Variants in SPHKAP observed in about 807,000 individuals in gnomAD.
The protein encoded by SPHKAP is A-kinase anchor protein SPHKAP.
A neutral mutation model predicts 137.5 loss-of-function variants in SPHKAP; 67 were observed. That is an observed-to-expected ratio of 0.49 (90% CI 0.40 to 0.60). The LOEUF (loss-of-function observed/expected upper bound fraction) is 0.60, where lower values mean the gene tolerates loss of function less well. Among genes scored for constraint, SPHKAP ranks in the 20% least tolerant of loss-of-function variants. SPHKAP has a pLI of 0.00. For synonymous variants in SPHKAP, 813 were observed against 785.3 expected (o/e 1.04, Z -0.59); for missense variants, 2,097 against 2,069.3 (o/e 1.01, Z -0.26).
chr2:228,170,554 A>T (rs1700553268), intron 1 of SPHKAP, among the ~76,000 whole-genome samples: 1 of 152,136 alleles, frequency 6.6e-6, no homozygotes. Flanking sequence ...GCAGCCATCA[A>T]CGTCAAGGCA....
intron 1 of SPHKAP, among the ~76,000 whole-genome samples, chr2:228,154,481 A>ACTCTCTCT (rs371642332): frequency 0.012 from 570 of 47,158 alleles, 22 homozygotes; most frequent in Middle Eastern, 0.016. Context: ...TTGTAAATAA[A>ACTCTCTCT]CTCTCTCTCT....
chr2:228,150,755 T>C (rs1443691738), intron 1 of SPHKAP, among the ~76,000 whole-genome samples: 1 of 151,822 alleles, frequency 6.6e-6, no homozygotes, highest in Non-Finnish European at 1.5e-5. Context: ...CCATAGTCTA[T>C]GTTTCTTTTT....
At chr2:228,034,643 C>A (rs1695506605) in intron 3 of SPHKAP, among the ~76,000 whole-genome samples, 1 of 152,154 alleles carries the variant, frequency 6.6e-6, no homozygotes, top group South Asian at 2.1e-4. Context: ...AAAATATTGG[C>A]AAACCGAATC....
chr2:227,985,367 A>G (rs1432610777), intron 11 of SPHKAP, among the ~76,000 whole-genome samples: 1 of 152,206 alleles, frequency 6.6e-6, no homozygotes, highest in Admixed American at 6.5e-5. Context: ...CTTCCATTAA[A>G]AAAAGGTAAG....
intron 3 of SPHKAP, among the ~76,000 whole-genome samples, chr2:228,039,311 T>C (rs2106255357): frequency 6.6e-6 from 1 of 152,340 alleles, no homozygotes. Flanking sequence ...TATTATGGTT[T>C]TTAAACAAAA....
intron 3 of SPHKAP, among the ~76,000 whole-genome samples, chr2:228,037,664 C>T (rs1229944461): frequency 6.6e-6 from 1 of 152,136 alleles, no homozygotes; most frequent in Non-Finnish European, 1.5e-5. Context: ...TCCAATGACT[C>T]TCAGTTTGCG....
chr2:227,982,264 G>T (rs1693028961), intron 11 of SPHKAP: 1 of 985,122 alleles, frequency 1.0e-6, no homozygotes, highest in South Asian at 4.7e-5. Flanking sequence ...ATCTCATTGG[G>T]TGTGTAAATT....
chr2:228,143,674 T>G (rs1215897194), intron 1 of SPHKAP, among the ~76,000 whole-genome samples: 1 of 146,600 alleles, frequency 6.8e-6, no homozygotes, highest in Non-Finnish European at 1.5e-5. Context: ...CTTTTTTTTT[T>G]TTTTTTTTTT....
At chr2:228,029,077 G>A (rs1185407814) in intron 3 of SPHKAP, among the ~76,000 whole-genome samples, 2 of 152,212 alleles carry the variant, frequency 1.3e-5, no homozygotes, top group East Asian at 1.9e-4. Context: ...GAATCTGACT[G>A]CAGGCAGGCC....
chr2:227,985,961 C>T (rs560407111), intron 11 of SPHKAP, among the ~76,000 whole-genome samples: 1 of 152,320 alleles, frequency 6.6e-6, no homozygotes, highest in East Asian at 1.9e-4. Context: ...AGCTATCAGT[C>T]TGAGCCTTGG....
intron 1 of SPHKAP, among the ~76,000 whole-genome samples, chr2:228,146,484 T>C (rs1488266702): frequency 1.3e-5 from 2 of 152,230 alleles, no homozygotes; most frequent in African/African-American, 4.8e-5. Context: ...TAAACTCGTG[T>C]CACGGTAGTT....
At position 228,017,093 on chromosome 2, in the gene SPHKAP, G is replaced by T; in HGVS notation, c.3761C>A (p.Pro1254His). Residue 1254 changes from proline to histidine, a missense_variant, in exon 7 of 12, where the codon CCC (proline) becomes CAC (histidine). Physicochemically the swap from Pro to His is moderately conservative, Grantham distance 77 (BLOSUM62 -2). Transcript: ENST00000392056. ...GCCATCTAAAGAGTTGGCTTTGATG[G>T]GCACATTCACTGTCAGCCTGGAGCA... ...SPCSRLTVNV[P>H]IKANSLDGFA... 6.2e-7 allele frequency: 1 copy of T among 1,614,102 alleles called. No individual in the cohort carries two copies. The highest frequency in any genetic ancestry group is 8.5e-7 in the Non-Finnish European group (1 of 1,180,022).
chr2:228,109,379 C>T (rs966477591), intron 2 of SPHKAP: 2 of 984,770 alleles, frequency 2.0e-6, no homozygotes, highest in South Asian at 9.4e-5. Context: ...TTTGGTTCTG[C>T]TAACTTAGCT....
At chr2:228,130,797 T>C in intron 2 of SPHKAP, among the ~76,000 whole-genome samples, 1 of 152,126 alleles carries the variant, frequency 6.6e-6, no homozygotes. Flanking sequence ...AGCGCCTTAG[T>C]TCCCTGCATT....
rs1299097062 is a variant in SPHKAP at position 227,980,358 on chromosome 2, G to C, written c.*1359C>G. 3 of 152,176 alleles carry C rather than the reference G, an allele frequency of 2.0e-5. No individual in the cohort carries two copies. The highest frequency in any genetic ancestry group is 7.2e-5 in the African/African-American group (3 of 41,452). 9.4% of individuals were successfully genotyped at this position (152,176 alleles called of 1,614,324 possible). ...TCAAAATGTGGATGATAGAGAAGGTGAGGCCAGCATTCATGGTATGGGAAC... is the reference window on the plus strand; with the variant it reads ...TCAAAATGTGGATGATAGAGAAGGTCAGGCCAGCATTCATGGTATGGGAAC... On this transcript the variant is annotated 3_prime_UTR_variant, in exon 12 of 12. Coordinates refer to ENST00000392056, the MANE Select transcript of SPHKAP (RefSeq NM_001142644.2).
At chr2:228,004,532 A>G (rs891742053) in intron 7 of SPHKAP, among the ~76,000 whole-genome samples, 3 of 152,194 alleles carry the variant, frequency 2.0e-5, no homozygotes, top group African/African-American at 7.2e-5. Flanking sequence ...GATTTTATGA[A>G]GGGTTTTTTG....
intron 1 of SPHKAP, among the ~76,000 whole-genome samples, chr2:228,176,499 G>A (rs1294145546): frequency 6.6e-6 from 1 of 152,188 alleles, no homozygotes; most frequent in Non-Finnish European, 1.5e-5. Flanking sequence ...CCAGGAGGAG[G>A]CAGAGAAGCA....
At chr2:228,034,614 T>C (rs1342645579) in intron 3 of SPHKAP, among the ~76,000 whole-genome samples, 3 of 152,122 alleles carry the variant, frequency 2.0e-5, no homozygotes, top group African/African-American at 4.8e-5. Flanking sequence ...TGATGAACAT[T>C]GATGCAAAAA....
rs1442741159 is a variant in SPHKAP, at chr2:228,108,874, G to A, written c.204C>T (p.Cys68=). Reference sequence around the variant, plus strand: ...ACTTGTCTTCTACAAAACCAATTTGGCAGGGCATCCTCTGATTCTGCAACC... The same window carrying A: ...ACTTGTCTTCTACAAAACCAATTTGACAGGGCATCCTCTGATTCTGCAACC... The part of the protein sequence containing the change: ...DYWLQNQRMP[C]QIGFVEDKSE... The change falls in exon 3 of 12, where the codon TGC becomes TGT. Residue 68 remains cysteine (C), a synonymous_variant. Transcript: ENST00000392056. The A allele has an allele frequency of 1.2e-6, 2 of 1,610,036 alleles. No individual in the cohort carries two copies. Among genetic ancestry groups the A allele is most frequent in the Non-Finnish European group, 1.7e-6 (2 of 1,179,136 alleles).
Sources: gnomAD v4.1 joint callset for allele counts (sites outside exome capture counted in the v4.1 genomes callset) on GRCh38, gnomAD v4.1.1 for gene constraint, MANE v1.5 for transcripts, NCBI Gene and HGNC (gene_info 2026-07-23, HGNC 2026-07-21) for gene names.